ERBB4: variants seen among roughly 807,000 people sequenced by gnomAD.
ERBB4 encodes erb-b2 receptor tyrosine kinase 4.
ERBB4 carries 42 observed loss-of-function variants against 158.0 expected under a neutral mutation model. The ratio of observed to expected loss-of-function variants is 0.27; its 90% CI spans 0.21 to 0.34. The LOEUF is 0.34. ERBB4 is among the 10% of genes least tolerant of loss of function. The probability of loss-of-function intolerance (pLI) is 1.00; values close to 1 mark genes in which losing one functional copy is unlikely to be tolerated. For synonymous variants in ERBB4, 583 were observed against 558.7 expected (o/e 1.04, Z -0.61); for missense variants, 1,333 against 1,624.1 (o/e 0.82, Z 3.08).
chr2:212,364,162 T>C (rs1240197446), intron 1 of ERBB4, among the ~76,000 whole-genome samples: 2 of 151,734 alleles, frequency 1.3e-5, no homozygotes, highest in Non-Finnish European at 2.9e-5. Flanking sequence ...AGCCATTCTT[T>C]TGAATCAACC....
At chr2:212,097,400 G>A (rs2078962763) in intron 2 of ERBB4, among the ~76,000 whole-genome samples, 1 of 152,112 alleles carries the variant, frequency 6.6e-6, no homozygotes, top group South Asian at 2.1e-4. Flanking sequence ...TACATTGTGA[G>A]CATAGGGAAC....
intron 3 of ERBB4, among the ~76,000 whole-genome samples, chr2:211,819,328 G>T (rs983628615): frequency 1.3e-5 from 2 of 151,810 alleles, no homozygotes; most frequent in Non-Finnish European, 2.9e-5. Context: ...TTAACAGGAA[G>T]ATATAAAAAT....
At chr2:211,806,829 A>C (rs901947241) in intron 3 of ERBB4, among the ~76,000 whole-genome samples, 2 of 151,968 alleles carry the variant, frequency 1.3e-5, no homozygotes, top group African/African-American at 2.4e-5. Context: ...GATTTTTTAA[A>C]AGTTGCATGA....
chr2:211,767,349 C>T (rs755984297), intron 4 of ERBB4, among the ~76,000 whole-genome samples: 6 of 152,046 alleles, frequency 3.9e-5, no homozygotes, highest in Non-Finnish European at 8.8e-5. Flanking sequence ...ACTTTAAACA[C>T]CAAATATACA....
intron 1 of ERBB4, chr2:212,426,160 G>C (rs2091906850): frequency 7.5e-6 from 3 of 397,422 alleles, no homozygotes; most frequent in Non-Finnish European, 1.5e-5. Context: ...CTACTTTTAA[G>C]TTTGAATGTG....
At chr2:212,399,132 AG>A (rs1294553389) in intron 1 of ERBB4, among the ~76,000 whole-genome samples, 2 of 151,914 alleles carry the variant, frequency 1.3e-5, no homozygotes, top group Admixed American at 1.3e-4. Flanking sequence ...TAGTAGAGAC[AG>A]GGTTTCACCA....
At chr2:211,930,603 A>C (rs2125098001) in intron 3 of ERBB4, among the ~76,000 whole-genome samples, 1 of 152,244 alleles carries the variant, frequency 6.6e-6, no homozygotes, top group South Asian at 2.1e-4. Flanking sequence ...ACAGAGACCC[A>C]GCCGTGTTAT....
chr2:212,341,975 AG>A (rs2088739727), intron 1 of ERBB4, among the ~76,000 whole-genome samples: 2 of 152,222 alleles, frequency 1.3e-5, no homozygotes, highest in African/African-American at 4.8e-5. Context: ...AAGTGGCTTG[AG>A]GGCTGGACAT....
chr2:212,386,725 T>C (rs1041684746), intron 1 of ERBB4, among the ~76,000 whole-genome samples: 5 of 151,970 alleles, frequency 3.3e-5, no homozygotes, highest in African/African-American at 7.2e-5. Context: ...CTACTTCCTC[T>C]ACCTGGAATA....
At chr2:212,252,293 G>A (rs2084568206) in intron 1 of ERBB4, among the ~76,000 whole-genome samples, 2 of 152,046 alleles carry the variant, frequency 1.3e-5, no homozygotes, top group Admixed American at 6.6e-5. Flanking sequence ...AGAGGTAGAG[G>A]AGGTAAACAC....
At chr2:211,521,121 G>C (rs1295208646) in intron 20 of ERBB4, among the ~76,000 whole-genome samples, 1 of 152,044 alleles carries the variant, frequency 6.6e-6, no homozygotes, top group South Asian at 2.1e-4. Context: ...TAAATCAAAA[G>C]CTAGAAATGA....
intron 1 of ERBB4, among the ~76,000 whole-genome samples, chr2:212,300,522 C>A (rs13392330): frequency 0.8 from 121,616 of 151,242 alleles, 50,423 homozygotes; most frequent in Non-Finnish European, 0.9. Flanking sequence ...CTTTGATTAG[C>A]TTTTTAAAAT....
chr2:211,557,129 G>C (rs1215606557), intron 20 of ERBB4, among the ~76,000 whole-genome samples: 1 of 152,120 alleles, frequency 6.6e-6, no homozygotes, highest in African/African-American at 2.4e-5. Flanking sequence ...ATAACTTAAA[G>C]ATTGCATTGT....
intron 4 of ERBB4, among the ~76,000 whole-genome samples, chr2:211,784,116 C>T (rs927197597): frequency 6.6e-6 from 1 of 152,144 alleles, no homozygotes; most frequent in African/African-American, 2.4e-5. Context: ...AAAAAGAGAA[C>T]ATAATATTTA....
intron 1 of ERBB4, among the ~76,000 whole-genome samples, chr2:212,230,950 C>T (rs1222850031): frequency 1.3e-5 from 2 of 152,098 alleles, no homozygotes; most frequent in African/African-American, 2.4e-5. Flanking sequence ...ATTTGATTCA[C>T]TGATACCTAA....
At chr2:212,048,317 G>C (rs1397818051) in intron 2 of ERBB4, among the ~76,000 whole-genome samples, 2 of 152,176 alleles carry the variant, frequency 1.3e-5, no homozygotes, top group African/African-American at 4.8e-5. Flanking sequence ...TGTGTAATTG[G>C]TTTTCACAGT....
chr2:212,367,824 T>A (rs752967827), intron 1 of ERBB4, among the ~76,000 whole-genome samples: 1 of 151,878 alleles, frequency 6.6e-6, no homozygotes, highest in Non-Finnish European at 1.5e-5. Flanking sequence ...AACAAACATA[T>A]GAAAAAATGC....
intron 1 of ERBB4, among the ~76,000 whole-genome samples, chr2:212,450,028 A>G (rs2092422300): frequency 6.6e-6 from 1 of 152,200 alleles, no homozygotes; most frequent in African/African-American, 2.4e-5. Context: ...GGAATGAATC[A>G]TTTAAAAAGT....
intron 16 of ERBB4, among the ~76,000 whole-genome samples, chr2:211,635,335 T>C (rs1238934153): frequency 1.3e-5 from 2 of 152,200 alleles, no homozygotes; most frequent in Non-Finnish European, 2.9e-5. Flanking sequence ...TAAAAGCAAA[T>C]GATTTGGTTT....
Sources: gnomAD v4.1 joint callset for allele counts (sites outside exome capture counted in the v4.1 genomes callset) on GRCh38, gnomAD v4.1.1 for gene constraint, MANE v1.5 for transcripts, NCBI Gene and HGNC (gene_info 2026-07-23, HGNC 2026-07-21) for gene names.